DSCAM: variants seen among roughly 807,000 people sequenced by gnomAD.
The protein encoded by DSCAM is DS cell adhesion molecule, also known as cell adhesion molecule DSCAM.
DSCAM carries 47 observed loss-of-function variants against 217.7 expected under a neutral mutation model. That is an observed-to-expected ratio of 0.22 (90% confidence interval 0.17 to 0.28). The LOEUF (loss-of-function observed/expected upper bound fraction) is 0.28. Ranked by LOEUF, DSCAM falls within the 10% of genes least tolerant of loss-of-function variation. DSCAM has a pLI of 1.00. For missense variants in DSCAM, 2,080 were observed against 2,618.3 expected (o/e 0.79, Z 4.49); for synonymous variants, 1,056 against 1,015.3 (o/e 1.04, Z -0.76).
chr21:40,262,621 C>T (rs569841310), intron 11 of DSCAM, among the ~76,000 whole-genome samples: 54 of 152,304 alleles, frequency 3.5e-4, no homozygotes, highest in Middle Eastern at 3.4e-3. Flanking sequence ...GTTTATAATA[C>T]GTCCTTCCCA....
intron 18 of DSCAM, among the ~76,000 whole-genome samples, chr21:40,141,607 G>A (rs375939012): frequency 8.5e-5 from 13 of 152,194 alleles, no homozygotes; most frequent in African/African-American, 2.6e-4. Context: ...GACAGAGGGA[G>A]ACCCTGTCTC....
intron 3 of DSCAM, among the ~76,000 whole-genome samples, chr21:40,616,433 T>C (rs2089394814): frequency 6.6e-6 from 1 of 152,164 alleles, no homozygotes; most frequent in Non-Finnish European, 1.5e-5. Context: ...CTCCTGGAAA[T>C]AGGTGCCTGT....
At chr21:40,648,549 C>A (rs1839862345) in intron 3 of DSCAM, among the ~76,000 whole-genome samples, 1 of 152,028 alleles carries the variant, frequency 6.6e-6, no homozygotes, top group Non-Finnish European at 1.5e-5. Context: ...GGATTGAGAA[C>A]CTGTCTTTCC....
intron 3 of DSCAM, among the ~76,000 whole-genome samples, chr21:40,506,156 A>G (rs1188022993): frequency 6.6e-6 from 1 of 152,164 alleles, no homozygotes; most frequent in African/African-American, 2.4e-5. Context: ...TTTATAAGCT[A>G]CTCTGTTAAT....
At chr21:40,225,875 T>C (rs1462977509) in intron 11 of DSCAM, among the ~76,000 whole-genome samples, 1 of 152,164 alleles carries the variant, frequency 6.6e-6, no homozygotes, top group Non-Finnish European at 1.5e-5. Flanking sequence ...CACAAGTGTG[T>C]TGGTGATGCT....
At chr21:40,186,248 AT>A (rs1458138060) in intron 14 of DSCAM, among the ~76,000 whole-genome samples, 1 of 151,940 alleles carries the variant, frequency 6.6e-6, no homozygotes, top group African/African-American at 2.4e-5. Flanking sequence ...CTTGAGCTTG[AT>A]TTTTTACTAC....
At position 40,240,338 on chromosome 21, in the gene DSCAM, C is replaced by T. The variant is rs2146940195; in HGVS notation, c.2356+35759G>A. On this transcript the variant is annotated intron_variant, in intron 11 of 32. Transcript: ENST00000400454. The stretch of plus-strand genomic sequence containing the variant: ...CCCTCTTATCTAGCTACTGCAGTAG[C>T]TTCCTCACTGGTTTTTTTTTTTTTT... Among the ~76,000 whole-genome samples the T allele has an allele frequency of 1.5e-5, 2 of 133,940 alleles. 1 individual carries two copies. The highest frequency in any genetic ancestry group is 1.6e-4 in the Admixed American group (2 of 12,548). The allele number at this position is 133,940 out of a possible 152,430, so 87.9% of individuals were successfully genotyped here.
intron 20 of DSCAM, among the ~76,000 whole-genome samples, chr21:40,114,388 CT>C (rs2089940723): frequency 6.6e-6 from 1 of 151,276 alleles, no homozygotes; most frequent in Admixed American, 6.6e-5. Context: ...GGATCCCTTC[CT>C]TACACCTTAT....
chr21:40,455,464 T>C (rs901565332), intron 3 of DSCAM, among the ~76,000 whole-genome samples: 1 of 152,066 alleles, frequency 6.6e-6, no homozygotes, highest in African/African-American at 2.4e-5. Context: ...AGAGGAAGAA[T>C]TGCATTAGAA....
chr21:40,365,096 GATTAAT>G (rs1364833219), intron 4 of DSCAM, among the ~76,000 whole-genome samples: 2 of 151,716 alleles, frequency 1.3e-5, no homozygotes, highest in African/African-American at 4.8e-5. Context: ...TTAATGTGAT[GATTAAT>G]ATTGAGTGTC....
chr21:40,398,995 G>C (rs2075208249), intron 3 of DSCAM, among the ~76,000 whole-genome samples: 1 of 152,302 alleles, frequency 6.6e-6, no homozygotes, highest in Admixed American at 6.5e-5. Flanking sequence ...TCCAGACCAG[G>C]TGCAGTCACT....
At chr21:40,319,695 T>G (rs2074239014) in intron 8 of DSCAM, among the ~76,000 whole-genome samples, 1 of 152,202 alleles carries the variant, frequency 6.6e-6, no homozygotes, top group East Asian at 1.9e-4. Context: ...CCACCAACAC[T>G]GTACGGGGTT....
intron 32 of DSCAM, among the ~76,000 whole-genome samples, chr21:40,015,399 G>C (rs2088138675): frequency 6.8e-6 from 1 of 147,136 alleles, no homozygotes; most frequent in Admixed American, 7.0e-5. Context: ...AATTCTACCG[G>C]CAAAATATCT....
intron 16 of DSCAM, among the ~76,000 whole-genome samples, chr21:40,165,013 T>C (rs1410041673): frequency 6.6e-6 from 1 of 152,130 alleles, no homozygotes; most frequent in Non-Finnish European, 1.5e-5. Flanking sequence ...CCCAGAGCTA[T>C]TTCCTCCTTT....
At chr21:40,212,233 G>C (rs2091192632) in intron 11 of DSCAM, 1 of 154,310 alleles carries the variant, frequency 6.5e-6, no homozygotes, top group Admixed American at 6.5e-5. Context: ...CTCCCAAAGT[G>C]CTGGGATTAT....
intron 3 of DSCAM, among the ~76,000 whole-genome samples, chr21:40,490,608 AC>A (rs1316253120): frequency 6.6e-6 from 1 of 152,054 alleles, no homozygotes; most frequent in African/African-American, 2.4e-5. Flanking sequence ...TGGCTGGAGT[AC>A]CCCCACCCTG....
intron 31 of DSCAM, among the ~76,000 whole-genome samples, chr21:40,043,466 C>G (rs1343681027): frequency 2.0e-5 from 3 of 152,182 alleles, no homozygotes; most frequent in Admixed American, 6.5e-5. Context: ...ATTAAAATTT[C>G]CTACAGCTAT....
chr21:40,150,162 G>A (rs2090409914), intron 16 of DSCAM, among the ~76,000 whole-genome samples: 1 of 152,196 alleles, frequency 6.6e-6, no homozygotes, highest in Admixed American at 6.5e-5. Context: ...GGTCAAATAT[G>A]TTAAAACAAC....
intron 1 of DSCAM, among the ~76,000 whole-genome samples, chr21:40,721,409 T>C (rs546395161): frequency 5.4e-4 from 82 of 152,182 alleles, no homozygotes; most frequent in South Asian, 2.3e-3. Flanking sequence ...TCTGTCAATA[T>C]GTACAAGACA....
Sources: allele counts gnomAD v4.1 joint callset (sites outside exome capture counted in the v4.1 genomes callset), GRCh38; gene constraint gnomAD v4.1.1; transcripts MANE v1.5; gene names NCBI Gene and HGNC (gene_info 2026-07-23, HGNC 2026-07-21).